The following ARHGAP32 variants were observed in gnomAD, a reference collection of about 807,000 sequenced individuals.
ARHGAP32 encodes the protein Rho GTPase activating protein 32.
ARHGAP32 carries 51 observed loss-of-function variants against 186.5 expected under a neutral mutation model. That is an observed-to-expected ratio of 0.27 (90% CI 0.22 to 0.35). The LOEUF (loss-of-function observed/expected upper bound fraction) is 0.35, where lower values mean the gene tolerates loss of function less well. Among genes scored for constraint, ARHGAP32 ranks in the 10% least tolerant of loss-of-function variants. ARHGAP32 has a pLI of 1.00. For missense variants in ARHGAP32, 2,186 were observed against 2,623.5 expected (o/e 0.83, Z 3.64); for synonymous variants, 950 against 964.3 (o/e 0.99, Z 0.27).
At chr11:129,253,841 G>A (rs1945218272) in intron 1 of ARHGAP32, among the ~76,000 whole-genome samples, 1 of 152,074 alleles carries the variant, frequency 6.6e-6, no homozygotes, top group African/African-American at 2.4e-5. Flanking sequence ...TGCTGTCACT[G>A]AGATCACTGG....
upstream of ARHGAP32, among the ~76,000 whole-genome samples, chr11:129,193,045 G>A (rs1157211243): frequency 6.6e-6 from 1 of 151,970 alleles, no homozygotes; most frequent in Non-Finnish European, 1.5e-5. Context: ...AGAAACTACT[G>A]ACCTGCTGGA....
intron 2 of ARHGAP32, among the ~76,000 whole-genome samples, chr11:129,148,695 GT>G (rs1437032192): frequency 6.6e-6 from 1 of 152,206 alleles, no homozygotes; most frequent in Non-Finnish European, 1.5e-5. Context: ...GAGGGGCAAG[GT>G]GGGAAAGCCA....
intron 2 of ARHGAP32, among the ~76,000 whole-genome samples, chr11:129,128,736 G>A (rs998535767): frequency 2.0e-5 from 3 of 152,068 alleles, no homozygotes; most frequent in South Asian, 2.1e-4. Flanking sequence ...GGCCCGCACC[G>A]CCACACCTGA....
At chr11:129,015,542 T>TTC (rs1365447435) in intron 11 of ARHGAP32, among the ~76,000 whole-genome samples, 2 of 152,156 alleles carry the variant, frequency 1.3e-5, no homozygotes, top group Admixed American at 6.6e-5. Flanking sequence ...CGCAATCCTA[T>TTC]TCTCCTACAG....
chr11:129,279,027 T>C (rs1387789193), intron 1 of ARHGAP32: 1 of 146,624 alleles, frequency 6.8e-6, no homozygotes, highest in Admixed American at 6.7e-5. Flanking sequence ...GAGCATGCGA[T>C]CCGGAACCCT....
intron 5 of ARHGAP32, among the ~76,000 whole-genome samples, chr11:129,096,487 C>T (rs1309019257): frequency 6.6e-6 from 1 of 152,136 alleles, no homozygotes; most frequent in Non-Finnish European, 1.5e-5. Flanking sequence ...TTTTGGTCAA[C>T]ATCAGCACTT....
At chr11:129,164,484 C>T in intron 1 of ARHGAP32, 57 bp from the exon 2 acceptor site, 1 of 998,214 alleles carries the variant, frequency 1.0e-6, no homozygotes, top group Non-Finnish European at 1.5e-6. Flanking sequence ...TGAAAGCCTT[C>T]CAATGATCAC....
In ARHGAP32 at chr11:129,173,423, C is replaced by A. The variant is rs561984834; in HGVS notation, c.117-8996G>T. On this transcript the variant is annotated intron_variant, in intron 1 of 22. Coordinates refer to ENST00000682385, the MANE Select transcript of ARHGAP32 (RefSeq NM_001378024.1). ...GAGCTGGTACCATTCCTTCTGAAACCACTCCAAACAATTAAAAAGGAGGGA... is the reference window on the plus strand; with the variant it reads ...GAGCTGGTACCATTCCTTCTGAAACAACTCCAAACAATTAAAAAGGAGGGA... 1.2e-3 allele frequency among the ~76,000 whole-genome samples: 182 copies of A among 152,114 alleles called. 2 individuals are homozygous for A. Among genetic ancestry groups the A allele is most frequent in the Middle Eastern group, 3.4e-3 (1 of 294 alleles).
intron 1 of ARHGAP32, among the ~76,000 whole-genome samples, chr11:129,231,272 T>C (rs1035533301): frequency 1.3e-5 from 2 of 152,196 alleles, no homozygotes; most frequent in Non-Finnish European, 2.9e-5. Flanking sequence ...TTGACAGCTA[T>C]TAAACATGTG....
intron 1 of ARHGAP32, 112 bp downstream of exon 1, chr11:129,191,971 C>A: frequency 1.3e-6 from 1 of 793,706 alleles, no homozygotes. Context: ...AAACCTTCCC[C>A]CAGAAAACAG....
intron 1 of ARHGAP32, among the ~76,000 whole-genome samples, chr11:129,171,533 T>TCTGTTTTGGTACCAGTACCCTG (rs1452170801): frequency 6.6e-6 from 1 of 152,202 alleles, no homozygotes; most frequent in Non-Finnish European, 1.5e-5. Context: ...GGTCTATATG[T>TCTGTTTTGGTACCAGTACCCTG]CTGTTTTGGT....
intron 6 of ARHGAP32, among the ~76,000 whole-genome samples, chr11:129,084,539 G>C (rs1941320745): frequency 6.6e-6 from 1 of 151,972 alleles, no homozygotes; most frequent in Admixed American, 6.6e-5. Context: ...CACATAAACA[G>C]GCTAAAGAAG....
intron 2 of ARHGAP32, among the ~76,000 whole-genome samples, chr11:129,147,611 T>G (rs1240497381): frequency 6.6e-6 from 1 of 152,160 alleles, no homozygotes; most frequent in Non-Finnish European, 1.5e-5. Context: ...GTAATACAGA[T>G]CATTCCTATC....
intron 6 of ARHGAP32, among the ~76,000 whole-genome samples, chr11:129,077,825 C>T (rs1041808250): frequency 1.3e-5 from 2 of 152,190 alleles, no homozygotes; most frequent in African/African-American, 4.8e-5. Flanking sequence ...TATACTACCA[C>T]AGCTGATGCT....
intron 9 of ARHGAP32, among the ~76,000 whole-genome samples, chr11:129,062,638 G>C (rs953409661): frequency 6.6e-6 from 1 of 152,162 alleles, no homozygotes; most frequent in Middle Eastern, 3.2e-3. Context: ...GATTTTTAAT[G>C]CTAGGCATCA....
chr11:129,102,795 T>C (rs371255692), intron 5 of ARHGAP32, among the ~76,000 whole-genome samples: 6 of 152,264 alleles, frequency 3.9e-5, no homozygotes, highest in African/African-American at 9.6e-5. Flanking sequence ...AAGAGAATGG[T>C]GGTCCTCAAA....
At chr11:129,066,918 C>T (rs1176018141) in intron 6 of ARHGAP32, 50 bp from the exon 7 acceptor site, 1 of 1,438,028 alleles carries the variant, frequency 7.0e-7, no homozygotes. Flanking sequence ...TTGGGAAATA[C>T]TTATGAATCA....
chr11:129,156,590 G>C (rs1943413405), intron 2 of ARHGAP32, among the ~76,000 whole-genome samples: 1 of 152,218 alleles, frequency 6.6e-6, no homozygotes, highest in South Asian at 2.1e-4. Flanking sequence ...GGGGCTTGTA[G>C]ATGAAACTCC....
At chr11:129,025,319 T>A (rs1227401059) in intron 11 of ARHGAP32, among the ~76,000 whole-genome samples, 2 of 152,218 alleles carry the variant, frequency 1.3e-5, no homozygotes, top group Admixed American at 6.5e-5. Flanking sequence ...GAATTTATTC[T>A]TTCCTTCCTC....
Sources: gnomAD v4.1 joint callset for allele counts (sites outside exome capture counted in the v4.1 genomes callset) on GRCh38, gnomAD v4.1.1 for gene constraint, MANE v1.5 for transcripts, NCBI Gene and HGNC (gene_info 2026-07-23, HGNC 2026-07-21) for gene names.